NPHP1: variants seen among roughly 807,000 people sequenced by gnomAD.
NPHP1 encodes nephrocystin 1, also known as nephrocystin-1.
In NPHP1, 70 loss-of-function variants were observed where a neutral mutation model predicts 90.4. The observed-to-expected ratio is 0.77, with a 90% CI of 0.64 to 0.95. The LOEUF (loss-of-function observed/expected upper bound fraction) is 0.95. NPHP1 is among the 40% of genes least tolerant of loss of function. The pLI, the probability that NPHP1 is intolerant of heterozygous loss-of-function variation, is 0.00. For missense variants in NPHP1, 764 were observed against 795.9 expected, an observed-to-expected ratio of 0.96 and a Z score of 0.48; for synonymous variants, 256 against 271.7, an observed-to-expected ratio of 0.94 and a Z score of 0.57.
Position 110,193,070 on chromosome 2 carries a change from C to T in NPHP1, c.143+8351G>A, listed in dbSNP as rs1684867580. 2.6e-5 allele frequency among the ~76,000 whole-genome samples: 4 copies of T among 152,152 alleles called. 1 individual carries two copies. In the South Asian group the frequency reaches 8.3e-4, roughly 32 times the overall value. The stretch of plus-strand genomic sequence containing the variant: ...CAAAAACATGCCAGATTGTGAAGAC[C>T]ATCGAGGCTAGGAAGAAACTGCATC... On this transcript the variant is annotated intron_variant, in intron 2 of 19. Coordinates refer to ENST00000445609, the MANE Select transcript of NPHP1 (RefSeq NM_001128178.3).
chr2:110,191,372 G>A (rs571670142), intron 2 of NPHP1, among the ~76,000 whole-genome samples: 27 of 152,278 alleles, frequency 1.8e-4, no homozygotes, highest in Admixed American at 3.9e-4. Flanking sequence ...ATTACATCGC[G>A]CACATGGCTC....
At chr2:110,181,937 G>A (rs1683935371) in intron 2 of NPHP1, among the ~76,000 whole-genome samples, 1 of 152,102 alleles carries the variant, frequency 6.6e-6, no homozygotes, top group Admixed American at 6.5e-5. Flanking sequence ...AATTAAGAGA[G>A]GAACATAACT....
intron 2 of NPHP1, among the ~76,000 whole-genome samples, chr2:110,198,377 T>C (rs1685311977): frequency 6.6e-6 from 1 of 152,194 alleles, no homozygotes; most frequent in South Asian, 2.1e-4. Context: ...TTGTGTAAAT[T>C]AAATCATATG....
intron 12 of NPHP1, 141 bp from the exon 13 acceptor site, chr2:110,148,167 T>C (rs112090963): frequency 1.6e-5 from 11 of 700,344 alleles, no homozygotes; most frequent in East Asian, 5.4e-5. Context: ...TGGGAGGTGT[T>C]TGGGTCATGA....
chr2:110,184,621 A>G (rs1574172769), intron 2 of NPHP1: 4 of 976,154 alleles, frequency 4.1e-6, no homozygotes, highest in Non-Finnish European at 6.5e-6. Flanking sequence ...GCAAGCTGGA[A>G]CATCTCTCGC....
chr2:110,125,899 CATG>C (rs1434268434), intron 18 of NPHP1: 2 of 576,386 alleles, frequency 3.5e-6, no homozygotes, highest in African/African-American at 1.9e-5. Flanking sequence ...CGTAGAAGCC[CATG>C]ATAATTATAA....
At chr2:110,178,733 GA>G (rs1300492632) in intron 3 of NPHP1, 186 bp from the exon 4 acceptor site, 4 of 575,360 alleles carry the variant, frequency 7.0e-6, no homozygotes, top group Non-Finnish European at 1.2e-5. Context: ...CAAACCAAAT[GA>G]AAAAATAAAA....
At chr2:110,203,015 T>A (rs2104720397) in intron 1 of NPHP1, among the ~76,000 whole-genome samples, 1 of 152,144 alleles carries the variant, frequency 6.6e-6, no homozygotes, top group South Asian at 2.1e-4. Flanking sequence ...AGACATGGAA[T>A]CAACATAGAT....
chr2:110,125,459 C>G, intron 19 of NPHP1, 178 bp downstream of exon 19: 4 of 1,121,508 alleles, frequency 3.6e-6, no homozygotes, highest in Non-Finnish European at 5.3e-6. Context: ...CTCACATTAG[C>G]TAACGATCAT....
intron 12 of NPHP1, among the ~76,000 whole-genome samples, chr2:110,149,674 G>A (rs994133779): frequency 2.6e-5 from 4 of 152,162 alleles, no homozygotes; most frequent in Non-Finnish European, 4.4e-5. Context: ...GGAGGTAGAC[G>A]AAAGTAATGT....
chr2:110,194,576 G>A (rs971053811), intron 2 of NPHP1, among the ~76,000 whole-genome samples: 1 of 151,862 alleles, frequency 6.6e-6, no homozygotes, highest in Non-Finnish European at 1.5e-5. Context: ...TCTACCAGAG[G>A]TACAAGGAGG....
Position 110,125,636 on chromosome 2 carries a change from C to T in NPHP1, c.1761+1G>A, listed in dbSNP as rs1553480246. The T allele has an allele frequency of 6.2e-7, 1 of 1,612,348 alleles. No individual in the cohort carries two copies. Among genetic ancestry groups the T allele is most frequent in the Non-Finnish European group, 8.5e-7 (1 of 1,178,516 alleles). On this transcript the variant is annotated splice_donor_variant, in intron 19 of 19. Transcript: ENST00000445609. LOFTEE classifies it high-confidence loss of function. The stretch of plus-strand genomic sequence containing the variant: ...GTTCAGTGTGGAGACTCATATTTTA[C>T]CTTCTCTGATCTTTTTAATGTGCTT...
intron 1 of NPHP1, chr2:110,202,426 T>G: frequency 2.2e-6 from 1 of 454,532 alleles, no homozygotes; most frequent in East Asian, 6.9e-5. Flanking sequence ...GTTGATTACT[T>G]GTCCTACAGA....
Position 110,136,973 on chromosome 2 carries a change from G to A in NPHP1, c.1530-5182C>T, listed in dbSNP as rs1273893506. Among the ~76,000 whole-genome samples, 5 of 152,164 alleles carry A rather than the reference G, an allele frequency of 3.3e-5. 1 individual carries two copies. Among genetic ancestry groups the A allele is most frequent in the Non-Finnish European group, 7.3e-5 (5 of 68,034 alleles). On this transcript the variant is annotated intron_variant, in intron 16 of 19. Transcript: ENST00000445609. ...ACAGCACAGTACTGGTACCAAAACA[G>A]AGATATAGACCTATGGAACAGAACA...
chr2:110,186,340 A>G lies in NPHP1; in HGVS notation c.144-6656T>C, dbSNP rs1684283524. On this transcript the variant is annotated intron_variant, in intron 2 of 19. Transcript: ENST00000445609. ...CTTAGGACTGGAGAAAGCTGCAATT[A>G]ACCATGTTGCCTTTTGCCACTATAG... is the stretch of plus-strand genomic sequence containing the variant. Among the ~76,000 whole-genome samples the G allele has an allele frequency of 2.6e-5, 4 of 152,278 alleles. 1 individual carries two copies. The South Asian group carries it at 8.3e-4, about 32-fold the overall frequency.
chr2:110,172,608 C>T (rs1478179512), intron 4 of NPHP1, among the ~76,000 whole-genome samples: 2 of 152,036 alleles, frequency 1.3e-5, no homozygotes. Flanking sequence ...TAGTGAGACC[C>T]TGCCTCTACA....
chr2:110,136,417 G>A (rs1309646599), intron 16 of NPHP1, among the ~76,000 whole-genome samples: 2 of 152,126 alleles, frequency 1.3e-5, no homozygotes, highest in Non-Finnish European at 2.9e-5. Flanking sequence ...TGTATATCTA[G>A]AAAACCCCAT....
chr2:110,162,511 T>TGATTCA, intron 9 of NPHP1, among the ~76,000 whole-genome samples: 1 of 152,098 alleles, frequency 6.6e-6, no homozygotes, highest in Non-Finnish European at 1.5e-5. Context: ...AGGACACCCC[T>TGATTCA]TGTCCCCCAG....
intron 1 of NPHP1, among the ~76,000 whole-genome samples, chr2:110,203,031 C>A (rs1184492741): frequency 6.6e-6 from 1 of 152,054 alleles, no homozygotes; most frequent in Non-Finnish European, 1.5e-5. Context: ...TAGATGCCCA[C>A]CAATGGTGGA....
Sources: gnomAD v4.1 joint callset for allele counts (sites outside exome capture counted in the v4.1 genomes callset) on GRCh38, gnomAD v4.1.1 for gene constraint, MANE v1.5 for transcripts, NCBI Gene and HGNC (gene_info 2026-07-23, HGNC 2026-07-21) for gene names.